KTN1: variants seen among roughly 807,000 people sequenced by gnomAD.
The protein encoded by KTN1 is kinectin.
KTN1 carries 130 observed loss-of-function variants against 222.5 expected under a neutral mutation model. The observed-to-expected ratio is 0.58, with a 90% CI of 0.51 to 0.68. The LOEUF (loss-of-function observed/expected upper bound fraction) is 0.68. Among genes scored for constraint, KTN1 ranks in the 30% least tolerant of loss-of-function variants. The pLI is 0.00. For synonymous variants in KTN1, 512 were observed against 496.3 expected, an observed-to-expected ratio of 1.03 and a Z score of -0.42; for missense variants, 1,508 against 1,500.4, an observed-to-expected ratio of 1.01 and a Z score of -0.08.
At chr14:55,616,709 C>A in intron 3 of KTN1, 55 bp downstream of exon 3, 2 of 1,424,080 alleles carry the variant, frequency 1.4e-6, no homozygotes, top group Non-Finnish European at 1.9e-6. Flanking sequence ...AGTACACCAG[C>A]ACAAGGACCC....
Position 55,612,368 on chromosome 14 carries a change from C to A in KTN1, c.320C>A (p.Thr107Asn), listed in dbSNP as rs1332030116. 6.2e-7 allele frequency: 1 copy of A among 1,614,054 alleles called. No homozygotes were observed. The highest frequency in any genetic ancestry group is 1.7e-5 in the Admixed American group (1 of 60,012). ...CCTGTTCCATTGAATGTCGTTGAAA[C>A]TTCAAGTAGTGTTAGGGAAAGAAAA... ...VAPVPLNVVE[T>N]SSSVRERKKK... The change falls in exon 2 of 44, where the codon ACT (threonine) becomes AAT (asparagine). Residue 107 changes from threonine to asparagine, a missense_variant. Transcript: ENST00000395314.
chr14:55,597,652 G>T (rs576162710), intron 1 of KTN1, among the ~76,000 whole-genome samples: 3 of 152,130 alleles, frequency 2.0e-5, no homozygotes, highest in African/African-American at 7.2e-5. Flanking sequence ...TCAGGAGTTT[G>T]AGAACAGCCT....
chr14:55,656,728 A>G (rs1205246013), intron 29 of KTN1, among the ~76,000 whole-genome samples: 5 of 152,098 alleles, frequency 3.3e-5, no homozygotes, highest in Admixed American at 2.6e-4. Flanking sequence ...CGGCCTCCCA[A>G]AGTGCTGAGA....
At chr14:55,619,349 C>A in intron 5 of KTN1, 37 bp downstream of exon 5, 1 of 1,603,806 alleles carries the variant, frequency 6.2e-7, no homozygotes, top group South Asian at 1.1e-5. Context: ...TATTCATGAC[C>A]AGTCATTAGA....
rs187882693 is a variant in KTN1 at position 55,663,108 on chromosome 14, T to C, written c.3091-847T>C. 1,591 of 370,744 alleles carry C rather than the reference T, an allele frequency of 4.3e-3. 19 individuals carry two copies. The highest frequency in any genetic ancestry group is 4.8e-3 in the Middle Eastern group (12 of 2,510). 23.0% of individuals were successfully genotyped at this position (370,744 alleles called of 1,614,324 possible). A position where few individuals can be genotyped will look rare whatever the true frequency, so the allele number is the denominator to read the frequency against. ...CTATAGAATGGGAATAAATACCTCA[T>C]GGGGTTGTTGTAACGGTGAGAATTT... On this transcript the variant is annotated intron_variant, in intron 32 of 43. Coordinates refer to ENST00000395314, the MANE Select transcript of KTN1 (RefSeq NM_001079521.2).
chr14:55,652,553 C>A (rs1315995512), intron 25 of KTN1, among the ~76,000 whole-genome samples: 1 of 152,058 alleles, frequency 6.6e-6, no homozygotes, highest in Non-Finnish European at 1.5e-5. Flanking sequence ...CGCGTACCAC[C>A]ACGCCCGGCT....
intron 4 of KTN1, among the ~76,000 whole-genome samples, chr14:55,618,417 G>GT (rs144691951): frequency 0.017 from 2,506 of 150,798 alleles, 37 homozygotes; most frequent in African/African-American, 0.044. Flanking sequence ...CATAACTGTT[G>GT]TTTTTTTTTA....
chr14:55,640,669 T>C (rs2140999172), intron 15 of KTN1, among the ~76,000 whole-genome samples: 1 of 152,152 alleles, frequency 6.6e-6, no homozygotes, highest in South Asian at 2.1e-4. Flanking sequence ...TATCTTACTA[T>C]GCTGGTTTGT....
intron 28 of KTN1, among the ~76,000 whole-genome samples, chr14:55,655,282 G>C (rs1195842384): frequency 6.6e-6 from 1 of 152,110 alleles, no homozygotes; most frequent in Non-Finnish European, 1.5e-5. Flanking sequence ...CTCACCCTTG[G>C]ATTGCCTTCT....
chr14:55,588,806 T>C (rs1716641157), intron 1 of KTN1, among the ~76,000 whole-genome samples: 1 of 152,236 alleles, frequency 6.6e-6, no homozygotes, highest in South Asian at 2.1e-4. Flanking sequence ...TTAACTTTAT[T>C]ATTTGTGTAT....
At chr14:55,657,995 C>G (rs998962784) in intron 29 of KTN1, among the ~76,000 whole-genome samples, 4 of 151,964 alleles carry the variant, frequency 2.6e-5, no homozygotes, top group Admixed American at 1.3e-4. Context: ...TTTAGTGTAA[C>G]TTATTTCAGT....
In KTN1 at chr14:55,639,316, C is replaced by G; in HGVS notation, c.1823+94C>G. The stretch of plus-strand genomic sequence containing the variant: ...CTTATGATTAACTTTATACCTCTGA[C>G]GACCTGTTCAGAAAATACTCTGAAC... On this transcript the variant is annotated intron_variant, in intron 13 of 43. Coordinates refer to ENST00000395314, the MANE Select transcript of KTN1 (RefSeq NM_001079521.2). 6.9e-6 allele frequency: 3 copies of G among 436,274 alleles called. No individual in the cohort carries two copies. In the East Asian group the frequency reaches 1.7e-4, roughly 24 times the overall value. 27.0% of individuals were successfully genotyped at this position (436,274 alleles called of 1,614,324 possible). A position where few individuals can be genotyped will look rare whatever the true frequency, so the allele number is the denominator to read the frequency against.
At position 55,612,052 on chromosome 14, in the gene KTN1, G is replaced by C; in HGVS notation, c.4G>C (p.Glu2Gln). The change falls in exon 2 of 44, where the codon GAG becomes CAG. Residue 2 changes from glutamate to glutamine, a missense_variant. Coordinates refer to ENST00000395314, the MANE Select transcript of KTN1 (RefSeq NM_001079521.2). Reference protein sequence around the residue: MEFYESAYFIVL... With the variant: MQFYESAYFIVL... Reference sequence around the variant, plus strand: ...GGATCACATTGACAAAAGTACCATGGAGTTTTATGAGTCAGCATATTTTAT... The same window carrying C: ...GGATCACATTGACAAAAGTACCATGCAGTTTTATGAGTCAGCATATTTTAT... The C allele has an allele frequency of 6.9e-7, 1 of 1,440,848 alleles. No homozygotes were observed. Among genetic ancestry groups the C allele is most frequent in the Non-Finnish European group, 9.1e-7 (1 of 1,094,986 alleles). 89.3% of individuals were successfully genotyped at this position (1,440,848 alleles called of 1,614,324 possible). A position where few individuals can be genotyped will look rare whatever the true frequency, so the allele number is the denominator to read the frequency against.
At chr14:55,671,993 A>G (rs1393362595) in intron 37 of KTN1, 116 bp downstream of exon 37, 2 of 654,126 alleles carry the variant, frequency 3.1e-6, no homozygotes, top group Admixed American at 2.7e-5. Context: ...AATCCAAAAC[A>G]TGTATGTGGG....
Position 55,671,391 on chromosome 14 carries a change from C to T in KTN1, c.3349-175C>T, listed in dbSNP as rs560860246. ...TTATAACATTGTTTAATAAAAATGA[C>T]CAAAAGGGTTATTGAATGAACTTCA... On this transcript the variant is annotated intron_variant, in intron 35 of 43. Transcript: ENST00000395314. 24 of 569,710 alleles carry T rather than the reference C, an allele frequency of 4.2e-5. No homozygotes were observed. The African/African-American group carries it at 4.4e-4, about 10-fold the overall frequency. The allele number at this position is 569,710 out of a possible 1,614,324, so 35.3% of individuals were successfully genotyped here.
intron 34 of KTN1, 119 bp from the exon 35 acceptor site, chr14:55,670,610 T>G: frequency 1.6e-6 from 1 of 626,548 alleles, no homozygotes; most frequent in Non-Finnish European, 2.7e-6. Context: ...CAATGTCCTG[T>G]TTGTCTGTGT....
rs2041231986 is a variant in KTN1, at chr14:55,637,199, T to C, written c.1551T>C (p.Asp517=). ...RTAEHEAAQQ[D]LQSKFVAKEN... is the part of the protein sequence containing the mutation. The stretch of plus-strand genomic sequence containing the variant: ...GTAAAATGTAATGTTTTATTACAGA[T>C]TTACAGAGTAAATTTGTGGCCAAAG... Residue 517 remains aspartate, a splice_region_variant and synonymous_variant, in exon 11 of 44, where the codon GAT becomes GAC. Coordinates refer to ENST00000395314, the MANE Select transcript of KTN1 (RefSeq NM_001079521.2). 6.3e-7 allele frequency: 1 copy of C among 1,596,500 alleles called. No homozygotes were observed. Among genetic ancestry groups the C allele is most frequent in the African/African-American group, 1.3e-5 (1 of 74,116 alleles).
rs756669971 is a variant in KTN1 at position 55,616,545 on chromosome 14, C to G, written c.552C>G (p.Leu184=). Residue 184 remains leucine, a synonymous_variant, in exon 3 of 44, where the codon CTC becomes CTG. Coordinates refer to ENST00000395314, the MANE Select transcript of KTN1 (RefSeq NM_001079521.2). ...SDDQDKKVET[L]MVPSKRQEAL... ...ACCAGGATAAAAAGGTGGAAACTCT[C>G]ATGGTACCATCAAAAAGGCAAGAAG... is the stretch of plus-strand genomic sequence containing the variant. 7.2e-5 allele frequency: 115 copies of G among 1,600,450 alleles called. 1 individual carries two copies. The highest frequency in any genetic ancestry group is 2.0e-4 in the Admixed American group (11 of 55,244).
At chr14:55,616,762 A>G (rs772088648) in intron 3 of KTN1, 108 bp downstream of exon 3, 173 of 859,616 alleles carry the variant, frequency 2.0e-4, no homozygotes, top group Non-Finnish European at 3.0e-4. Context: ...AATGTGTGCT[A>G]ATGACAACTG....
Sources: gnomAD v4.1 joint callset for allele counts (sites outside exome capture counted in the v4.1 genomes callset) on GRCh38, gnomAD v4.1.1 for gene constraint, MANE v1.5 for transcripts, NCBI Gene and HGNC (gene_info 2026-07-23, HGNC 2026-07-21) for gene names.